SLC37A2: variants seen among roughly 807,000 people sequenced by gnomAD.
SLC37A2 encodes the protein solute carrier family 37 member 2.
SLC37A2 carries 59 observed loss-of-function variants against 70.7 expected under a neutral mutation model. That is an observed-to-expected ratio of 0.83 (90% CI 0.68 to 1.04). The LOEUF is 1.04. Ranked by LOEUF, SLC37A2 falls within the 50% of genes least tolerant of loss-of-function variation. The probability of loss-of-function intolerance (pLI) is 0.00; values close to 1 mark genes in which losing one functional copy is unlikely to be tolerated. For synonymous variants in SLC37A2, 257 were observed against 262.1 expected, an observed-to-expected ratio of 0.98 and a Z score of 0.19; for missense variants, 580 against 658.1, an observed-to-expected ratio of 0.88 and a Z score of 1.30.
In SLC37A2 at chr11:125,076,825, T is replaced by C; in HGVS notation, c.128T>C (p.Ile43Thr). ...YACYHMSRKP[I>T]SIVKSRLHQN... ...TGCTATCACATGTCCAGGAAGCCTA[T>C]CAGTATCGTCAAGGTGAGGCTGGCT... The change falls in exon 2 of 18, where the codon ATC becomes ACC. Residue 43 changes from isoleucine to threonine, a missense_variant. By Grantham distance (89) the Ile-to-Thr change is moderately conservative. Transcript: ENST00000403796. The C allele has an allele frequency of 6.2e-7, 1 of 1,614,106 alleles. No homozygotes were observed. Among genetic ancestry groups the C allele is most frequent in the East Asian group, 2.2e-5 (1 of 44,874 alleles).
At chr11:125,076,256 C>T (rs1591630269) in intron 1 of SLC37A2, among the ~76,000 whole-genome samples, 1 of 152,180 alleles carries the variant, frequency 6.6e-6, no homozygotes, top group African/African-American at 2.4e-5. Flanking sequence ...TTTCCAACTA[C>T]CGCCTGCCTG....
intron 1 of SLC37A2, among the ~76,000 whole-genome samples, chr11:125,071,780 C>T (rs1459196297): frequency 7.1e-6 from 1 of 141,294 alleles, no homozygotes; most frequent in Non-Finnish European, 1.5e-5. Flanking sequence ...GGGCTCTGCA[C>T]CTGTGGTATC....
intron 4 of SLC37A2, among the ~76,000 whole-genome samples, chr11:125,078,371 C>T (rs970061281): frequency 4.6e-5 from 7 of 152,224 alleles, no homozygotes; most frequent in African/African-American, 4.8e-5. Flanking sequence ...AGAGCTCACT[C>T]TGAGAGTGAT....
In SLC37A2 at chr11:125,076,457, C is replaced by T. The variant is rs561974646; in HGVS notation, c.60-300C>T. Among the ~76,000 whole-genome samples the T allele has an allele frequency of 9.5e-4, 144 of 152,260 alleles. 1 individual carries two copies. Among genetic ancestry groups the T allele is most frequent in the Middle Eastern group, 3.4e-3 (1 of 294 alleles). ...ACAGGCGCCCTGACCTCAGGGAGGTCGACAAAAAGCAGAGGTGCTGCCAGC... is the reference window on the plus strand; with the variant it reads ...ACAGGCGCCCTGACCTCAGGGAGGTTGACAAAAAGCAGAGGTGCTGCCAGC... On this transcript the variant is annotated intron_variant, in intron 1 of 17. Coordinates refer to ENST00000403796, the MANE Select transcript of SLC37A2 (RefSeq NM_001145290.2).
Position 125,080,501 on chromosome 11 carries a change from C to A in SLC37A2, c.528-113C>A. 9.4e-7 allele frequency: 1 copy of A among 1,062,008 alleles called. No individual in the cohort carries two copies. The highest frequency in any genetic ancestry group is 2.8e-5 in the South Asian group (1 of 36,176). The allele number at this position is 1,062,008 out of a possible 1,614,324, so 65.8% of individuals were successfully genotyped here. A position where few individuals can be genotyped will look rare whatever the true frequency, so the allele number is the denominator to read the frequency against. On this transcript the variant is annotated intron_variant, in intron 6 of 17. Transcript: ENST00000403796. The surrounding 1 kb of genome is among the most constrained non-coding windows in gnomAD (Gnocchi z 4.3). ...GGGGCTTTGGGGCTGTCTTTGGTGC[C>A]TCGGGGAAGCTGTAGTCAGCCCAGC...
rs1283854871 is a variant in SLC37A2, at chr11:125,088,831, A to C, written c.*697A>C. Reference sequence around the variant, plus strand: ...CTGATCCTGGCCCCATAATGTCCTCAGTGGAAGGTGATGGGGGCCGGTGCT... The same window carrying C: ...CTGATCCTGGCCCCATAATGTCCTCCGTGGAAGGTGATGGGGGCCGGTGCT... On this transcript the variant is annotated 3_prime_UTR_variant, in exon 18 of 18. Transcript: ENST00000403796. The C allele has an allele frequency of 1.3e-5, 1 of 76,020 alleles. No individual in the cohort carries two copies. The highest frequency in any genetic ancestry group is 2.5e-5 in the Non-Finnish European group (1 of 40,212). 4.7% of individuals were successfully genotyped at this position (76,020 alleles called of 1,614,324 possible).
At chr11:125,069,577 GAGA>G (rs1428594603) in intron 1 of SLC37A2, among the ~76,000 whole-genome samples, 2 of 152,348 alleles carry the variant, frequency 1.3e-5, no homozygotes, top group East Asian at 1.9e-4. Context: ...TCTCCATTAG[GAGA>G]AGAAGGAAGT....
intron 1 of SLC37A2, among the ~76,000 whole-genome samples, chr11:125,064,227 G>A (rs1826656287): frequency 6.6e-6 from 1 of 152,214 alleles, no homozygotes; most frequent in Non-Finnish European, 1.5e-5. Context: ...CGGGCATGGT[G>A]GTTCATGCTT....
chr11:125,085,856 C>T, intron 16 of SLC37A2, 98 bp from the exon 17 acceptor site: 2 of 1,306,278 alleles, frequency 1.5e-6, no homozygotes, highest in Non-Finnish European at 2.2e-6. Context: ...TGTCTCTCCC[C>T]CTTCTCCACT....
At chr11:125,068,710 C>G (rs1949003220) in intron 1 of SLC37A2, among the ~76,000 whole-genome samples, 1 of 152,154 alleles carries the variant, frequency 6.6e-6, no homozygotes, top group Non-Finnish European at 1.5e-5. Context: ...ATACAGGAAG[C>G]ATGGAATACA....
In SLC37A2 at chr11:125,088,842, A is replaced by AC. The variant is rs3842257; in HGVS notation, c.*708_*709insC. Reference sequence around the variant, plus strand: ...CCCATAATGTCCTCAGTGGAAGGTGATGGGGGCCGGTGCTGTGGGGAGAGT... The same window carrying AC: ...CCCATAATGTCCTCAGTGGAAGGTGACTGGGGGCCGGTGCTGTGGGGAGAGT... On this transcript the variant is annotated 3_prime_UTR_variant, in exon 18 of 18. Transcript: ENST00000403796. The AC allele has an allele frequency of 0.77, 116,459 of 152,216 alleles. 44,908 individuals are homozygous for AC. The highest frequency in any genetic ancestry group is 0.87 in the African/African-American group (36,199 of 41,510). The allele number at this position is 152,216 out of a possible 1,614,324, so 9.4% of individuals were successfully genotyped here.
chr11:125,084,156 G>A (rs1949178344), intron 11 of SLC37A2, 78 bp from the exon 12 acceptor site: 1 of 1,516,588 alleles, frequency 6.6e-7, no homozygotes, highest in East Asian at 2.3e-5. Context: ...GCCAGCACTG[G>A]GGCACAGCTG....
intron 1 of SLC37A2, among the ~76,000 whole-genome samples, chr11:125,074,614 T>G (rs1949063825): frequency 7.2e-6 from 1 of 138,476 alleles, no homozygotes; most frequent in African/African-American, 2.7e-5. Context: ...CACAGTGCAG[T>G]TGGGGGAGTG....
At chr11:125,076,027 A>G (rs1389623340) in intron 1 of SLC37A2, among the ~76,000 whole-genome samples, 1 of 151,870 alleles carries the variant, frequency 6.6e-6, no homozygotes, top group African/African-American at 2.4e-5. Context: ...CCCAGGCCTC[A>G]GGCTTGGGGA....
intron 1 of SLC37A2, among the ~76,000 whole-genome samples, chr11:125,075,986 A>G (rs982992372): frequency 1.3e-5 from 2 of 152,094 alleles, no homozygotes; most frequent in African/African-American, 2.4e-5. Flanking sequence ...GAGGAAGCAG[A>G]TAGTGACTCA....
chr11:125,065,940 G>A (rs1948975588), intron 1 of SLC37A2, among the ~76,000 whole-genome samples: 1 of 152,176 alleles, frequency 6.6e-6, no homozygotes, highest in Admixed American at 6.5e-5. Flanking sequence ...TAAGAAGAAA[G>A]AGAAAGGTCT....
chr11:125,063,331 C>T lies in SLC37A2; in HGVS notation c.-37C>T. ...GGACACGCGCCCAGCTCTGTAGCCTCCTCCGTCGACTCAGCCTTAGGTACC... is the reference window on the plus strand; with the variant it reads ...GGACACGCGCCCAGCTCTGTAGCCTTCTCCGTCGACTCAGCCTTAGGTACC... On this transcript the variant is annotated 5_prime_UTR_variant, in exon 1 of 18. Coordinates refer to ENST00000403796, the MANE Select transcript of SLC37A2 (RefSeq NM_001145290.2). This position sits in a 1 kb window ranked among gnomAD's most constrained non-coding sequence, Gnocchi z 5.4. 2.5e-6 allele frequency: 4 copies of T among 1,579,736 alleles called. No individual in the cohort carries two copies. Among genetic ancestry groups the T allele is most frequent in the Non-Finnish European group, 3.5e-6 (4 of 1,156,798 alleles).
Position 125,076,746 on chromosome 11 carries a change from C to G in SLC37A2, c.60-11C>G. On this transcript the variant is annotated splice_polypyrimidine_tract_variant and intron_variant, in intron 1 of 17. Coordinates refer to ENST00000403796, the MANE Select transcript of SLC37A2 (RefSeq NM_001145290.2). ...ACTTCCCACTAACGCAGATGCTGTC[C>G]CTTCCTGCAGGTTCCGAGGCCTCAT... 1 of 1,613,798 alleles carries G rather than the reference C, an allele frequency of 6.2e-7. No homozygotes were observed. Among genetic ancestry groups the G allele is most frequent in the East Asian group, 2.2e-5 (1 of 44,876 alleles).
intron 14 of SLC37A2, 108 bp downstream of exon 14, chr11:125,085,247 G>A (rs551038548): frequency 2.5e-5 from 34 of 1,336,994 alleles, no homozygotes; most frequent in South Asian, 1.1e-4. Flanking sequence ...AGGAGAAACC[G>A]TCAAAGTCCT....
Sources: gnomAD v4.1 joint callset for allele counts (sites outside exome capture counted in the v4.1 genomes callset) on GRCh38, gnomAD v4.1.1 for gene constraint, Gnocchi (gnomAD v3.1) non-coding constraint, MANE v1.5 for transcripts, NCBI Gene and HGNC (gene_info 2026-07-23, HGNC 2026-07-21) for gene names.